SDK1: variants seen among roughly 807,000 people sequenced by gnomAD.
The protein encoded by SDK1 is sidekick cell adhesion molecule 1.
In SDK1, 157 loss-of-function variants were observed where a neutral mutation model predicts 245.5. The ratio of observed to expected loss-of-function variants is 0.64; its 90% CI spans 0.56 to 0.73. The LOEUF (loss-of-function observed/expected upper bound fraction) is 0.73, where lower values mean the gene tolerates loss of function less well. Among genes scored for constraint, SDK1 ranks in the 30% least tolerant of loss-of-function variants. The pLI, the probability that SDK1 is intolerant of heterozygous loss-of-function variation, is 0.00. For missense variants in SDK1, 3,583 were observed against 3,002.3 expected (o/e 1.19, Z -4.52); for synonymous variants, 1,647 against 1,278.5 (o/e 1.29, Z -6.15).
chr7:3,433,965 A>G (rs772710369), intron 1 of SDK1, among the ~76,000 whole-genome samples: 4 of 152,210 alleles, frequency 2.6e-5, no homozygotes, highest in Admixed American at 2.6e-4. Flanking sequence ...GCGCATAACT[A>G]CCGCAATGCA....
intron 1 of SDK1, among the ~76,000 whole-genome samples, chr7:3,440,309 AG>A (rs1780157870): frequency 6.6e-6 from 1 of 152,166 alleles, no homozygotes; most frequent in South Asian, 2.1e-4. Flanking sequence ...TGCTTAGTTC[AG>A]GTTGCTCAGT....
At chr7:3,687,056 A>AACACACAC (rs200034994) in intron 4 of SDK1, among the ~76,000 whole-genome samples, 1,662 of 135,200 alleles carry the variant, frequency 0.012, 20 homozygotes, top group South Asian at 0.028. Flanking sequence ...ATAGCATCAA[A>AACACACAC]ACACACACAC....
rs185041339 is a variant in SDK1, at chr7:4,098,350, A to C, written c.3325-12313A>C. Among the ~76,000 whole-genome samples, 479 of 152,300 alleles carry C rather than the reference A, an allele frequency of 3.1e-3. 3 individuals carry two copies. Among genetic ancestry groups the C allele is most frequent in the Non-Finnish European group, 5.0e-3 (340 of 68,026 alleles). On this transcript the variant is annotated intron_variant, in intron 22 of 44. Transcript: ENST00000404826. The stretch of plus-strand genomic sequence containing the variant: ...CCGTCAAACCAAATTAAATTTTATG[A>C]GACTCATATTTCCCCGTTCTTTCCG...
chr7:4,009,504 C>T (rs774012028), intron 14 of SDK1, among the ~76,000 whole-genome samples: 7 of 152,130 alleles, frequency 4.6e-5, no homozygotes, highest in Non-Finnish European at 7.4e-5. Flanking sequence ...ACTGGGAATG[C>T]GCACATTTTG....
At chr7:3,786,528 C>T (rs1562442378) in intron 4 of SDK1, among the ~76,000 whole-genome samples, 2 of 152,254 alleles carry the variant, frequency 1.3e-5, no homozygotes, top group Middle Eastern at 3.4e-3. Context: ...CTCTTATAAG[C>T]CTCTCCATGT....
chr7:3,554,769 G>C (rs1368286837), intron 1 of SDK1, among the ~76,000 whole-genome samples: 1 of 151,974 alleles, frequency 6.6e-6, no homozygotes, highest in Admixed American at 6.5e-5. Context: ...CATCCAAAAA[G>C]GAGTAGTATT....
intron 1 of SDK1, among the ~76,000 whole-genome samples, chr7:3,541,538 T>A (rs1029148116): frequency 1.3e-5 from 2 of 152,232 alleles, no homozygotes; most frequent in Non-Finnish European, 2.9e-5. Flanking sequence ...TGTCAGTCCT[T>A]CTGTAGAGAT....
At chr7:3,551,512 T>C (rs1391827394) in intron 1 of SDK1, among the ~76,000 whole-genome samples, 1 of 152,082 alleles carries the variant, frequency 6.6e-6, no homozygotes, top group Non-Finnish European at 1.5e-5. Flanking sequence ...ATTTTGTTAA[T>C]AAGTTGTGCA....
At chr7:3,501,322 C>T (rs1193512187) in intron 1 of SDK1, among the ~76,000 whole-genome samples, 1 of 151,856 alleles carries the variant, frequency 6.6e-6, no homozygotes, top group East Asian at 1.9e-4. Context: ...ATTCTTCCCT[C>T]TGTTTTCTCC....
intron 1 of SDK1, among the ~76,000 whole-genome samples, chr7:3,378,762 G>A (rs1167188657): frequency 6.6e-6 from 1 of 152,124 alleles, no homozygotes; most frequent in Non-Finnish European, 1.5e-5. Context: ...TGCAGGGGAA[G>A]GGCAGGGAGC....
intron 25 of SDK1, among the ~76,000 whole-genome samples, chr7:4,126,037 C>T (rs1039137857): frequency 6.6e-6 from 1 of 152,210 alleles, no homozygotes; most frequent in Non-Finnish European, 1.5e-5. Context: ...CCAGAACCTC[C>T]GTTGCTTCAT....
Position 3,560,719 on chromosome 7 carries a change from G to A in SDK1, c.299-58361G>A, listed in dbSNP as rs540963688. Reference sequence around the variant, plus strand: ...CCATTTAAACAGAGTTCAGACCCACGTCTCCACTGGGCCTGGCAGAGCCCT... The same window carrying A: ...CCATTTAAACAGAGTTCAGACCCACATCTCCACTGGGCCTGGCAGAGCCCT... On this transcript the variant is annotated intron_variant, in intron 1 of 44. Transcript: ENST00000404826. Among the ~76,000 whole-genome samples, 5 of 152,196 alleles carry A rather than the reference G, an allele frequency of 3.3e-5. No individual in the cohort carries two copies. The East Asian group carries it at 5.8e-4, about 18-fold the overall frequency.
intron 17 of SDK1, among the ~76,000 whole-genome samples, chr7:4,023,146 C>T (rs906455543): frequency 7.2e-5 from 11 of 152,072 alleles, no homozygotes; most frequent in African/African-American, 2.4e-4. Flanking sequence ...TCCAGTTCTT[C>T]GCAAGCTCTC....
intron 5 of SDK1, among the ~76,000 whole-genome samples, chr7:3,850,189 A>G (rs905261254): frequency 2.6e-5 from 4 of 152,152 alleles, no homozygotes; most frequent in African/African-American, 9.7e-5. Flanking sequence ...TGGCCCTGCC[A>G]CTCATCAGGC....
intron 1 of SDK1, among the ~76,000 whole-genome samples, chr7:3,426,652 C>T (rs1419038987): frequency 6.6e-6 from 1 of 152,224 alleles, no homozygotes; most frequent in Non-Finnish European, 1.5e-5. Flanking sequence ...TAGTCACCAC[C>T]TTTGGTCAAT....
chr7:4,051,692 C>G lies in SDK1; in HGVS notation c.2773C>G (p.Pro925Ala). Residue 925 changes from proline to alanine, a missense_variant, in exon 19 of 45, where the codon CCA (proline) becomes GCA (alanine). Pro to Ala is a conservative substitution (Grantham distance 27, BLOSUM62 -1). Transcript: ENST00000404826. ...PEAVTVVTIA[P>A]DFHGVHHGHI... ...GGCTGTCACTGTGGTCACTATTGCC[C>G]CAGATTTCCACGGAGTCCACCATGG... 6.2e-7 allele frequency: 1 copy of G among 1,613,616 alleles called. No homozygotes were observed. The highest frequency in any genetic ancestry group is 8.5e-7 in the Non-Finnish European group (1 of 1,179,802).
chr7:4,077,145 C>G lies in SDK1; in HGVS notation c.3158C>G (p.Thr1053Ser). The change falls in exon 21 of 45, where the codon ACT becomes AGT. Residue 1053 changes from threonine to serine, a missense_variant. Thr to Ser is a moderately conservative substitution (Grantham distance 58, BLOSUM62 1). Coordinates refer to ENST00000404826, the MANE Select transcript of SDK1 (RefSeq NM_152744.4). ...GTGGCCGCTGTGACTGCCGTGGGCA[C>G]TGGCCTGGTGACTTCATCCACCATT... Reference protein sequence around the residue: ...IDVAAVTAVGTGLVTSSTISS... With the variant: ...IDVAAVTAVGSGLVTSSTISS... 6.2e-7 allele frequency: 1 copy of G among 1,614,252 alleles called. No individual in the cohort carries two copies. The highest frequency in any genetic ancestry group is 8.5e-7 in the Non-Finnish European group (1 of 1,180,042).
chr7:3,500,651 T>G (rs1347367724), intron 1 of SDK1, among the ~76,000 whole-genome samples: 1 of 151,560 alleles, frequency 6.6e-6, no homozygotes, highest in African/African-American at 2.4e-5. Flanking sequence ...TTGTGCTCGG[T>G]ACTCAGTGGA....
At chr7:3,896,939 G>A (rs138237746) in intron 5 of SDK1, among the ~76,000 whole-genome samples, 2 of 152,300 alleles carry the variant, frequency 1.3e-5, no homozygotes, top group Non-Finnish European at 2.9e-5. Context: ...TGGCTGGGGA[G>A]GCCTCAGGAA....
Sources: gnomAD v4.1 joint callset for allele counts (sites outside exome capture counted in the v4.1 genomes callset) on GRCh38, gnomAD v4.1.1 for gene constraint, MANE v1.5 for transcripts, NCBI Gene and HGNC (gene_info 2026-07-23, HGNC 2026-07-21) for gene names.